The following XKR6 variants were observed in gnomAD, a reference collection of about 807,000 sequenced individuals.
XKR6 encodes XK-related protein 6.
A neutral mutation model predicts 56.7 loss-of-function variants in XKR6; 22 were observed. The ratio of observed to expected loss-of-function variants is 0.39; its 90% CI spans 0.28 to 0.55. XKR6 has a LOEUF of 0.55. Among genes scored for constraint, XKR6 ranks in the 20% least tolerant of loss-of-function variants. The pLI is 0.66. For missense variants in XKR6, 852 were observed against 889.0 expected (o/e 0.96, Z 0.53); for synonymous variants, 524 against 387.8 (o/e 1.35, Z -4.13).
chr8:10,974,013 G>A (rs1220123444), intron 1 of XKR6, among the ~76,000 whole-genome samples: 7 of 152,184 alleles, frequency 4.6e-5, no homozygotes, highest in Non-Finnish European at 8.8e-5. Flanking sequence ...AGTCCAGAGA[G>A]GCTAAGCCAT....
chr8:10,906,397 T>G (rs1800191543), intron 2 of XKR6, among the ~76,000 whole-genome samples: 1 of 152,238 alleles, frequency 6.6e-6, no homozygotes, highest in African/African-American at 2.4e-5. Context: ...AGTGCTGTAC[T>G]CCTAGATGTG....
intron 1 of XKR6, among the ~76,000 whole-genome samples, chr8:11,179,684 G>A (rs1009471703): frequency 4.6e-5 from 7 of 152,104 alleles, no homozygotes; most frequent in East Asian, 1.9e-4. Context: ...CCAATTGCTC[G>A]GTGTCAACAC....
At chr8:11,100,524 G>A (rs1445986894) in intron 1 of XKR6, among the ~76,000 whole-genome samples, 2 of 152,192 alleles carry the variant, frequency 1.3e-5, no homozygotes, top group African/African-American at 2.4e-5. Flanking sequence ...TGGCTGGGAG[G>A]ATGGCACGGA....
chr8:11,164,950 G>A (rs1444662267), intron 1 of XKR6, among the ~76,000 whole-genome samples: 2 of 152,086 alleles, frequency 1.3e-5, no homozygotes, highest in African/African-American at 4.8e-5. Flanking sequence ...CTTACTAATA[G>A]GAGGTTTAAA....
chr8:11,167,033 A>C (rs1802113512), intron 1 of XKR6, among the ~76,000 whole-genome samples: 1 of 152,158 alleles, frequency 6.6e-6, no homozygotes, highest in Non-Finnish European at 1.5e-5. Flanking sequence ...GCGGTGGTAG[A>C]AGGAAAGGCT....
chr8:10,991,508 C>T (rs1563332366), intron 1 of XKR6, among the ~76,000 whole-genome samples: 4 of 152,284 alleles, frequency 2.6e-5, no homozygotes, highest in Admixed American at 2.0e-4. Context: ...GGCCGGAACA[C>T]GATGAGTCTA....
At chr8:11,038,966 C>T (rs531840530) in intron 1 of XKR6, among the ~76,000 whole-genome samples, 11 of 152,290 alleles carry the variant, frequency 7.2e-5, no homozygotes, top group African/African-American at 2.6e-4. Context: ...GGCTGCTTAC[C>T]GCCCAACTCA....
At chr8:10,961,992 C>G (rs773479443) in intron 1 of XKR6, among the ~76,000 whole-genome samples, 3 of 152,140 alleles carry the variant, frequency 2.0e-5, no homozygotes, top group Non-Finnish European at 4.4e-5. Flanking sequence ...TAAAAGCTAT[C>G]CCTTTTATTT....
intron 1 of XKR6, among the ~76,000 whole-genome samples, chr8:11,064,980 G>A (rs1196243804): frequency 6.6e-6 from 1 of 152,186 alleles, no homozygotes; most frequent in Non-Finnish European, 1.5e-5. Flanking sequence ...CTTGTAGAAA[G>A]TCTTTGAACT....
intron 2 of XKR6, among the ~76,000 whole-genome samples, chr8:10,922,788 G>A (rs1586309480): frequency 6.6e-6 from 1 of 152,206 alleles, no homozygotes; most frequent in East Asian, 1.9e-4. Flanking sequence ...GTGCCCAGGA[G>A]AGAGTATGTG....
At chr8:11,116,146 T>C (rs868071722) in intron 1 of XKR6, among the ~76,000 whole-genome samples, 1 of 152,226 alleles carries the variant, frequency 6.6e-6, no homozygotes, top group African/African-American at 2.4e-5. Flanking sequence ...CATGGAAAAC[T>C]GTATGCTGGT....
In XKR6 at chr8:11,200,225, G is replaced by C. The variant is rs1293463490; in HGVS notation, c.764+351C>G. ...AGGCTCCCCGGGGCCGCGAGCTGGG[G>C]TGCAGCCCAGGGCGCCCGCAGCTGG... On this transcript the variant is annotated intron_variant, in intron 1 of 2. Coordinates refer to ENST00000416569, the MANE Select transcript of XKR6 (RefSeq NM_173683.4). The surrounding 1 kb of genome is among the most constrained non-coding windows in gnomAD (Gnocchi z 6.4). Among the ~76,000 whole-genome samples the C allele has an allele frequency of 6.6e-6, 1 of 152,182 alleles. No homozygotes were observed. Among genetic ancestry groups the C allele is most frequent in the African/African-American group, 2.4e-5 (1 of 41,444 alleles).
intron 1 of XKR6, among the ~76,000 whole-genome samples, chr8:10,999,552 G>C (rs1415490476): frequency 2.0e-5 from 3 of 152,128 alleles, no homozygotes; most frequent in Non-Finnish European, 4.4e-5. Flanking sequence ...CCAGATTCTA[G>C]TTTCAGAAAA....
chr8:11,063,176 A>C (rs1009019021), intron 1 of XKR6: 1 of 177,090 alleles, frequency 5.6e-6, no homozygotes, highest in African/African-American at 2.4e-5. Flanking sequence ...CAGCCTGGAC[A>C]ACATAAGTGA....
chr8:10,990,090 G>T (rs894826660), intron 1 of XKR6, among the ~76,000 whole-genome samples: 4 of 152,200 alleles, frequency 2.6e-5, no homozygotes, highest in African/African-American at 9.7e-5. Context: ...TGTAAATGCT[G>T]ATTGAGACTG....
At chr8:11,074,631 G>C (rs561774086) in intron 1 of XKR6, among the ~76,000 whole-genome samples, 97 of 152,284 alleles carry the variant, frequency 6.4e-4, no homozygotes, top group African/African-American at 2.2e-3. Context: ...ATGTACCAGA[G>C]CAAACCCAGG....
At chr8:11,025,385 G>C (rs1026851528) in intron 1 of XKR6, among the ~76,000 whole-genome samples, 7 of 152,190 alleles carry the variant, frequency 4.6e-5, no homozygotes, top group Non-Finnish European at 1.0e-4. Context: ...TTGGTTAATG[G>C]AGTCTATTCA....
chr8:11,068,800 C>T (rs1586502679), intron 1 of XKR6, among the ~76,000 whole-genome samples: 1 of 152,322 alleles, frequency 6.6e-6, no homozygotes, highest in Middle Eastern at 3.4e-3. Flanking sequence ...GAACAGCCCA[C>T]CCCTGGCCAA....
intron 1 of XKR6, among the ~76,000 whole-genome samples, chr8:11,182,755 C>A (rs1167468934): frequency 5.9e-5 from 9 of 152,204 alleles, no homozygotes; most frequent in Non-Finnish European, 1.2e-4. Flanking sequence ...CCATCTGAGC[C>A]ATTTTCAAGT....
Sources: gnomAD v4.1 joint callset for allele counts (sites outside exome capture counted in the v4.1 genomes callset) on GRCh38, gnomAD v4.1.1 for gene constraint, Gnocchi (gnomAD v3.1) non-coding constraint, MANE v1.5 for transcripts, NCBI Gene and HGNC (gene_info 2026-07-23, HGNC 2026-07-21) for gene names.